TDRD3: variants seen among roughly 807,000 people sequenced by gnomAD.
TDRD3 encodes the protein tudor domain containing 3.
A neutral mutation model predicts 86.7 loss-of-function variants in TDRD3; 45 were observed. That is an observed-to-expected ratio of 0.52 (90% CI 0.41 to 0.67). The LOEUF is 0.67. Ranked by LOEUF, TDRD3 falls within the 30% of genes least tolerant of loss-of-function variation. The pLI, the probability that TDRD3 is intolerant of heterozygous loss-of-function variation, is 0.00. For missense variants in TDRD3, 814 were observed against 889.0 expected, an observed-to-expected ratio of 0.92 and a Z score of 1.07; for synonymous variants, 298 against 301.7, an observed-to-expected ratio of 0.99 and a Z score of 0.13.
intron 10 of TDRD3, among the ~76,000 whole-genome samples, chr13:60,514,589 A>G (rs1366465609): frequency 6.6e-6 from 1 of 152,124 alleles, no homozygotes; most frequent in African/African-American, 2.4e-5. Context: ...ACTGAGGGGA[A>G]GTGTTGGGGC....
chr13:60,413,040 C>T (rs1287714941), intron 1 of TDRD3, among the ~76,000 whole-genome samples: 2 of 151,486 alleles, frequency 1.3e-5, no homozygotes, highest in East Asian at 3.9e-4. Context: ...TCCCTGTACT[C>T]CCAATTTTTT....
At chr13:60,447,365 C>G (rs1955428418) in intron 3 of TDRD3, among the ~76,000 whole-genome samples, 5 of 152,088 alleles carry the variant, frequency 3.3e-5, no homozygotes, top group Admixed American at 2.6e-4. Flanking sequence ...TGTGACTTTT[C>G]ATAAGTCAGT....
chr13:60,517,696 C>T (rs935754235), intron 10 of TDRD3, among the ~76,000 whole-genome samples: 5 of 152,152 alleles, frequency 3.3e-5, no homozygotes, highest in Non-Finnish European at 5.9e-5. Context: ...TGCAAATGTA[C>T]CCCAAATTTC....
intron 1 of TDRD3, among the ~76,000 whole-genome samples, chr13:60,400,753 A>G (rs991693376): frequency 1.2e-4 from 18 of 151,664 alleles, no homozygotes; most frequent in African/African-American, 4.1e-4. Flanking sequence ...AAAAAAAAAA[A>G]GTGTCTTCCA....
intron 7 of TDRD3, among the ~76,000 whole-genome samples, chr13:60,489,271 T>G (rs1461165221): frequency 1.3e-5 from 2 of 152,224 alleles, no homozygotes; most frequent in Admixed American, 6.5e-5. Flanking sequence ...TGATAAGAAA[T>G]TTTAGGTCAT....
chr13:60,438,561 T>C (rs1410903152), intron 1 of TDRD3, among the ~76,000 whole-genome samples: 1 of 152,190 alleles, frequency 6.6e-6, no homozygotes, highest in Non-Finnish European at 1.5e-5. Flanking sequence ...CTCATTGGCT[T>C]ATCTACTTTA....
Position 60,528,725 on chromosome 13 carries a change from T to G in TDRD3, c.1500T>G (p.Asp500Glu), listed in dbSNP as rs548668739. 10 of 1,612,010 alleles carry G rather than the reference T, an allele frequency of 6.2e-6. No individual in the cohort carries two copies. Among genetic ancestry groups the G allele is most frequent in the East Asian group, 2.2e-5 (1 of 44,862 alleles). ...QHSDGAFKKR[D>E]NSMQSRSGKG... ...GTGATGGTGCTTTTAAAAAAAGAGA[T>G]AACTCTATGCAAAGCAGATCAGGAA... is the stretch of plus-strand genomic sequence containing the variant. Residue 500 changes from aspartate to glutamate, a missense_variant, in exon 11 of 14, where the codon GAT becomes GAG. By Grantham distance (45) the Asp-to-Glu change is conservative. Coordinates refer to ENST00000377881, the MANE Select transcript of TDRD3 (RefSeq NM_001146070.2).
At chr13:60,497,872 G>A (rs1323954195) in intron 8 of TDRD3, among the ~76,000 whole-genome samples, 1 of 152,094 alleles carries the variant, frequency 6.6e-6, no homozygotes, top group African/African-American at 2.4e-5. Flanking sequence ...ACATGGGAAT[G>A]TATATTAAGG....
At chr13:60,509,966 G>A (rs1465963700) in intron 9 of TDRD3, 47 bp downstream of exon 9, 1 of 1,591,068 alleles carries the variant, frequency 6.3e-7, no homozygotes, top group Admixed American at 1.8e-5. Context: ...TTGCTTTTCA[G>A]AGTAATATAT....
chr13:60,441,206 A>G (rs902526145), intron 2 of TDRD3, among the ~76,000 whole-genome samples: 11 of 152,258 alleles, frequency 7.2e-5, no homozygotes, highest in Middle Eastern at 3.4e-3. Flanking sequence ...GCTTAAAAAT[A>G]TTATAAAGGA....
chr13:60,515,435 A>G (rs1957147581), intron 10 of TDRD3, among the ~76,000 whole-genome samples: 1 of 152,158 alleles, frequency 6.6e-6, no homozygotes. Flanking sequence ...ATTCATGATA[A>G]CACACATAAG....
chr13:60,416,555 G>C (rs770533103), intron 1 of TDRD3, among the ~76,000 whole-genome samples: 4 of 152,244 alleles, frequency 2.6e-5, no homozygotes, highest in Middle Eastern at 3.4e-3. Context: ...GCCTTTTCTT[G>C]TTGTTGTAAT....
intron 5 of TDRD3, among the ~76,000 whole-genome samples, chr13:60,471,812 G>A (rs1341993748): frequency 6.6e-6 from 1 of 151,962 alleles, no homozygotes; most frequent in Non-Finnish European, 1.5e-5. Flanking sequence ...CACGTTATCT[G>A]TGAAGAGTTA....
intron 2 of TDRD3, among the ~76,000 whole-genome samples, chr13:60,443,113 A>T (rs763069644): frequency 7.9e-5 from 12 of 151,970 alleles, no homozygotes; most frequent in East Asian, 1.9e-4. Flanking sequence ...TCAGATGATT[A>T]AAAAAAGTAC....
At chr13:60,493,441 C>A (rs1840427861) in intron 7 of TDRD3, among the ~76,000 whole-genome samples, 1 of 151,956 alleles carries the variant, frequency 6.6e-6, no homozygotes, top group Non-Finnish European at 1.5e-5. Flanking sequence ...GTGGATAGAT[C>A]ATCTCAGGTC....
chr13:60,428,357 T>C (rs928348612), intron 1 of TDRD3, among the ~76,000 whole-genome samples: 1 of 151,922 alleles, frequency 6.6e-6, no homozygotes. Flanking sequence ...TGGGCCACCA[T>C]TCAGGCTACT....
At chr13:60,537,397 G>A (rs1040196785) in intron 12 of TDRD3, 2 of 152,050 alleles carry the variant, frequency 1.3e-5, no homozygotes, top group African/African-American at 4.8e-5. Flanking sequence ...ATATTTGTGT[G>A]CATATAGATG....
intron 5 of TDRD3, among the ~76,000 whole-genome samples, chr13:60,482,972 T>G (rs1816902914): frequency 6.6e-6 from 1 of 152,068 alleles, no homozygotes; most frequent in African/African-American, 2.4e-5. Context: ...AATGTATGTA[T>G]ATATTAATAC....
intron 5 of TDRD3, among the ~76,000 whole-genome samples, chr13:60,473,245 C>G (rs995957446): frequency 6.6e-6 from 1 of 152,176 alleles, no homozygotes; most frequent in African/African-American, 2.4e-5. Context: ...AGATAACTAA[C>G]CCATTCCTGT....
Sources: allele counts gnomAD v4.1 joint callset (sites outside exome capture counted in the v4.1 genomes callset), GRCh38; gene constraint gnomAD v4.1.1; transcripts MANE v1.5; gene names NCBI Gene and HGNC (gene_info 2026-07-23, HGNC 2026-07-21).